RUNX1: variants seen among roughly 807,000 people sequenced by gnomAD.
RUNX1 encodes RUNX family transcription factor 1.
RUNX1 carries 19 observed loss-of-function variants against 42.8 expected under a neutral mutation model. The observed-to-expected ratio is 0.44, with a 90% confidence interval of 0.31 to 0.65. The LOEUF is 0.65. RUNX1 is among the 30% of genes least tolerant of loss of function. The pLI is 0.07. For missense variants in RUNX1, 528 were observed against 672.0 expected (o/e 0.79, Z 2.37); for synonymous variants, 271 against 289.4 (o/e 0.94, Z 0.64).
intron 2 of RUNX1, among the ~76,000 whole-genome samples, chr21:34,914,655 C>T (rs972717411): frequency 6.6e-6 from 1 of 152,146 alleles, no homozygotes; most frequent in African/African-American, 2.4e-5. Flanking sequence ...GGAGCTAGTG[C>T]CTGCAGGAAG....
chr21:34,882,998 C>T (rs1045462317), intron 4 of RUNX1, among the ~76,000 whole-genome samples: 6 of 152,270 alleles, frequency 3.9e-5, no homozygotes, highest in African/African-American at 1.2e-4. Flanking sequence ...ATAAATAAAT[C>T]TTCTTTTATA....
intron 2 of RUNX1, among the ~76,000 whole-genome samples, chr21:35,025,432 C>T (rs1183009385): frequency 6.6e-6 from 1 of 152,166 alleles, no homozygotes; most frequent in Non-Finnish European, 1.5e-5. Flanking sequence ...CGTTCCGATG[C>T]CCTGCACCAG....
At chr21:34,933,150 T>C (rs917914324) in intron 2 of RUNX1, among the ~76,000 whole-genome samples, 1 of 152,156 alleles carries the variant, frequency 6.6e-6, no homozygotes, top group South Asian at 2.1e-4. Context: ...ACACAGGACA[T>C]AACAGTTTAT....
intron 2 of RUNX1, chr21:35,038,651 TAGAGAG>T (rs145814354): frequency 2.7e-5 from 11 of 403,648 alleles, no homozygotes; most frequent in South Asian, 1.1e-4. Context: ...GTGTGTGAGA[TAGAGAG>T]AGAGAGAGAG....
At chr21:34,854,444 G>A (rs1353756010) in intron 6 of RUNX1, among the ~76,000 whole-genome samples, 1 of 151,966 alleles carries the variant, frequency 6.6e-6, no homozygotes, top group Non-Finnish European at 1.5e-5. Flanking sequence ...AATTAGCCGG[G>A]CATGGTGGTG....
intron 5 of RUNX1, among the ~76,000 whole-genome samples, chr21:34,860,306 T>C (rs1448688158): frequency 6.6e-6 from 1 of 152,244 alleles, no homozygotes; most frequent in Non-Finnish European, 1.5e-5. Flanking sequence ...TTTACTAATC[T>C]AAAAACATTT....
intron 6 of RUNX1, among the ~76,000 whole-genome samples, chr21:34,834,893 G>A (rs999575933): frequency 6.6e-6 from 1 of 152,180 alleles, no homozygotes; most frequent in Non-Finnish European, 1.5e-5. Context: ...AACTCACTGA[G>A]ATACAGAACT....
At chr21:34,948,170 T>A (rs549468069) in intron 2 of RUNX1, among the ~76,000 whole-genome samples, 4 of 152,254 alleles carry the variant, frequency 2.6e-5, no homozygotes, top group African/African-American at 7.2e-5. Flanking sequence ...TAAATATTTT[T>A]TAAAAAATCA....
intron 2 of RUNX1, among the ~76,000 whole-genome samples, chr21:34,992,674 T>TA (rs71196923): frequency 0.19 from 24,091 of 129,376 alleles, 2,297 homozygotes; most frequent in African/African-American, 0.26. Flanking sequence ...ATTACAAATA[T>TA]AAAAAAAAAA....
At chr21:35,009,128 C>A (rs1322241763) in intron 2 of RUNX1, among the ~76,000 whole-genome samples, 1 of 152,042 alleles carries the variant, frequency 6.6e-6, no homozygotes, top group Non-Finnish European at 1.5e-5. Flanking sequence ...ATCTTTTAAC[C>A]CTGTGCCAAC....
At chr21:35,042,375 G>T (rs958941112) in intron 2 of RUNX1, among the ~76,000 whole-genome samples, 4 of 152,238 alleles carry the variant, frequency 2.6e-5, no homozygotes, top group Non-Finnish European at 4.4e-5. Flanking sequence ...TACAAGATAT[G>T]ACTGGGAAGG....
intron 7 of RUNX1, chr21:34,821,575 C>A: frequency 6.5e-7 from 1 of 1,544,698 alleles, no homozygotes; most frequent in Non-Finnish European, 8.8e-7. Context: ...TGAGGGCTGT[C>A]ATCTTTCTTC....
chr21:34,963,428 G>A (rs904406901), intron 2 of RUNX1, among the ~76,000 whole-genome samples: 1 of 152,172 alleles, frequency 6.6e-6, no homozygotes, highest in African/African-American at 2.4e-5. Flanking sequence ...CCAGAACTGA[G>A]AGTCGTCTCT....
chr21:35,012,105 G>T (rs983922100), intron 2 of RUNX1, among the ~76,000 whole-genome samples: 1 of 152,268 alleles, frequency 6.6e-6, no homozygotes, highest in African/African-American at 2.4e-5. Flanking sequence ...AAATATGATC[G>T]TTAGCTTAAT....
chr21:34,977,646 A>G (rs755934912), intron 2 of RUNX1, among the ~76,000 whole-genome samples: 13 of 152,252 alleles, frequency 8.5e-5, no homozygotes, highest in African/African-American at 3.1e-4. Context: ...CAGGTATTTG[A>G]TCCAGACTGG....
At chr21:35,043,966 A>G (rs529673092) in intron 2 of RUNX1, among the ~76,000 whole-genome samples, 1 of 152,362 alleles carries the variant, frequency 6.6e-6, no homozygotes, top group East Asian at 1.9e-4. Context: ...AAGCTACACC[A>G]GCAGTCTCAA....
At position 34,927,203 on chromosome 21, in the gene RUNX1, GAA is replaced by G. The variant is rs796900532; in HGVS notation, c.59-34242_59-34241del. Among the ~76,000 whole-genome samples, 87 of 152,344 alleles carry G rather than the reference GAA, an allele frequency of 5.7e-4. 1 individual carries two copies. The highest frequency in any genetic ancestry group is 2.0e-3 in the African/African-American group (84 of 41,586). On this transcript the variant is annotated intron_variant, in intron 2 of 8. Transcript: ENST00000675419. Reference sequence around the variant, plus strand: ...AAAGAGCTGGAGTTTACAGGATTGTGAAGCAGGAAAAGAAGTCAGTCTTGGGA... The same window carrying G: ...AAAGAGCTGGAGTTTACAGGATTGTGGCAGGAAAAGAAGTCAGTCTTGGGA...
At chr21:34,869,986 C>T (rs1055912887) in intron 5 of RUNX1, among the ~76,000 whole-genome samples, 1 of 152,150 alleles carries the variant, frequency 6.6e-6, no homozygotes, top group African/African-American at 2.4e-5. Flanking sequence ...GTTGGGAGAA[C>T]TTCTTTTCCC....
chr21:34,908,563 G>C, intron 2 of RUNX1, among the ~76,000 whole-genome samples: 1 of 152,066 alleles, frequency 6.6e-6, no homozygotes, highest in South Asian at 2.1e-4. Context: ...GGTGTTTCCT[G>C]GGTTTTGTGG....
Sources: allele counts gnomAD v4.1 joint callset (sites outside exome capture counted in the v4.1 genomes callset), GRCh38; gene constraint gnomAD v4.1.1; transcripts MANE v1.5; gene names NCBI Gene and HGNC (gene_info 2026-07-23, HGNC 2026-07-21).